C3orf52: variants seen among roughly 807,000 people sequenced by gnomAD.
C3orf52 encodes TPA-induced transmembrane protein.
A neutral mutation model predicts 24.8 loss-of-function variants in C3orf52; 22 were observed. The ratio of observed to expected loss-of-function variants is 0.89; its 90% CI spans 0.63 to 1.27. C3orf52 has a LOEUF of 1.27. Among genes scored for constraint, C3orf52 ranks in the 50% most tolerant of loss-of-function variants. The probability of loss-of-function intolerance (pLI) is 0.00; values close to 1 mark genes in which losing one functional copy is unlikely to be tolerated. For missense variants in C3orf52, 265 were observed against 260.7 expected (o/e 1.02, Z -0.11); for synonymous variants, 93 against 100.2 (o/e 0.93, Z 0.43).
At chr3:112,134,828 T>A (rs1463620438), downstream of C3orf52, 2 of 154,868 alleles carry the variant, frequency 1.3e-5, no homozygotes, top group Non-Finnish European at 2.9e-5. Flanking sequence ...GGACTATTAA[T>A]ACATGCAATA....
downstream of C3orf52, chr3:112,132,651 T>C: frequency 2.0e-6 from 2 of 987,052 alleles, no homozygotes; most frequent in South Asian, 9.4e-5. Context: ...TTGCAGGGAG[T>C]GCACATCAAA....
rs16859220 is a variant in C3orf52, at chr3:112,116,173, C to T, written c.650-469C>T. Among the ~76,000 whole-genome samples the T allele has an allele frequency of 5.8e-3, 886 of 152,278 alleles. 21 individuals are homozygous for T. Among genetic ancestry groups the T allele is most frequent in the East Asian group, 0.05 (261 of 5,184 alleles). ...CTGTCAGTGGTGGCGAGGCTGGACT[C>T]CTGGTCTGTAGACCCCGGCGGGCTC... is the stretch of plus-strand genomic sequence containing the variant. On this transcript the variant is annotated intron_variant, in intron 5 of 5. Transcript: ENST00000264848.
chr3:112,112,768 C>G lies in C3orf52; in HGVS notation c.468-196C>G, dbSNP rs962679044. The G allele has an allele frequency of 9.3e-6, 6 of 645,202 alleles. No homozygotes were observed. The Admixed American group carries it at 1.4e-4, about 15-fold the overall frequency. 40.0% of individuals were successfully genotyped at this position (645,202 alleles called of 1,614,324 possible). On this transcript the variant is annotated intron_variant, in intron 4 of 5. Coordinates refer to ENST00000264848, the MANE Select transcript of C3orf52 (RefSeq NM_024616.3). Reference sequence around the variant, plus strand: ...CTAGGTGGAAGGAGGAGGTTAGGATCACCTCAACTTTTTGTGATGAATCTA... The same window carrying G: ...CTAGGTGGAAGGAGGAGGTTAGGATGACCTCAACTTTTTGTGATGAATCTA...
chr3:112,133,064 T>C (rs768935212), downstream of C3orf52: 14 of 1,610,824 alleles, frequency 8.7e-6, no homozygotes, highest in East Asian at 3.1e-4. Flanking sequence ...CCATCTCCTC[T>C]GCTCTCCCAC....
intron 2 of C3orf52, among the ~76,000 whole-genome samples, chr3:112,097,068 T>C (rs1000542094): frequency 6.6e-5 from 10 of 152,300 alleles, no homozygotes; most frequent in African/African-American, 2.4e-4. Context: ...AGGGAAAAGG[T>C]ATTAATGGAT....
downstream of C3orf52, chr3:112,133,024 T>C: frequency 6.5e-7 from 1 of 1,533,586 alleles, no homozygotes; most frequent in Non-Finnish European, 9.0e-7. Context: ...ACTAGCTTTC[T>C]TTTTCTCTTC....
intron 4 of C3orf52, chr3:112,125,161 T>C: frequency 9.5e-7 from 1 of 1,047,356 alleles, no homozygotes; most frequent in Non-Finnish European, 1.5e-6. Flanking sequence ...CAACTTCTCC[T>C]GCCATTTAGG....
chr3:112,091,541 A>G (rs1218184471), intron 1 of C3orf52, among the ~76,000 whole-genome samples: 1 of 152,174 alleles, frequency 6.6e-6, no homozygotes, highest in Non-Finnish European at 1.5e-5. Flanking sequence ...CACCTCCCTT[A>G]CAATCTGGTC....
At chr3:112,130,278 A>G (rs886977517), downstream of C3orf52, 7 of 593,450 alleles carry the variant, frequency 1.2e-5, no homozygotes, top group African/African-American at 2.0e-5. Context: ...CTCCTGTCCA[A>G]AGTTTTCAAG....
At chr3:112,121,065 T>G (rs189929401), downstream of C3orf52, 4 of 152,358 alleles carry the variant, frequency 2.6e-5, no homozygotes, top group East Asian at 5.8e-4. Flanking sequence ...TTCCCTCTTA[T>G]AAATCCCTGT....
intron 4 of C3orf52, among the ~76,000 whole-genome samples, chr3:112,111,081 T>G (rs1355536093): frequency 6.6e-6 from 1 of 152,164 alleles, no homozygotes; most frequent in Non-Finnish European, 1.5e-5. Context: ...TGGTGGCGCG[T>G]GCCTGTAAAC....
At chr3:112,086,948 T>C (rs1024948565) in intron 1 of C3orf52, among the ~76,000 whole-genome samples, 1 of 152,178 alleles carries the variant, frequency 6.6e-6, no homozygotes, top group African/African-American at 2.4e-5. Context: ...ATCTCTTCTG[T>C]CCTCCTCTTA....
chr3:112,090,545 T>A (rs755912814), intron 1 of C3orf52, among the ~76,000 whole-genome samples: 7 of 152,012 alleles, frequency 4.6e-5, no homozygotes, highest in Non-Finnish European at 8.8e-5. Flanking sequence ...GGGATAGCGC[T>A]CAGCGGTCTT....
At chr3:112,119,371 A>G (rs970221597), downstream of C3orf52, 21 of 684,802 alleles carry the variant, frequency 3.1e-5, no homozygotes, top group Middle Eastern at 2.3e-4. Flanking sequence ...GTGAAACTCC[A>G]TAACAAACAA....
At chr3:112,119,437 G>A, downstream of C3orf52, 1 of 702,600 alleles carries the variant, frequency 1.4e-6, no homozygotes, top group East Asian at 2.7e-5. Context: ...AGAAAAGAGT[G>A]GTCAGTATAA....
intron 4 of C3orf52, chr3:112,123,687 G>GTATTCATCAGC (rs1559981952): frequency 1.2e-6 from 2 of 1,614,148 alleles, no homozygotes; most frequent in Non-Finnish European, 1.7e-6. Flanking sequence ...CTCTTCAGCA[G>GTATTCATCAGC]AGTTCCCTGA....
chr3:112,100,144 C>A (rs2073959084), intron 2 of C3orf52, among the ~76,000 whole-genome samples: 1 of 152,148 alleles, frequency 6.6e-6, no homozygotes, highest in South Asian at 2.1e-4. Context: ...CTCATCTCTC[C>A]TCGTTTCATT....
chr3:112,133,131 C>G (rs200607188), downstream of C3orf52: 20 of 1,613,826 alleles, frequency 1.2e-5, no homozygotes, highest in Middle Eastern at 1.7e-4. Flanking sequence ...CCTCTCAGTC[C>G]TCTCAGGGCT....
chr3:112,108,170 C>G (rs771974634), intron 3 of C3orf52, among the ~76,000 whole-genome samples: 1 of 151,970 alleles, frequency 6.6e-6, no homozygotes, highest in Non-Finnish European at 1.5e-5. Context: ...AAGAAAAAGA[C>G]AGATAAGCCA....
Sources: gnomAD v4.1 joint callset for allele counts (sites outside exome capture counted in the v4.1 genomes callset) on GRCh38, gnomAD v4.1.1 for gene constraint, MANE v1.5 for transcripts, NCBI Gene and HGNC (gene_info 2026-07-23, HGNC 2026-07-21) for gene names.